PNPLA6: variants seen among roughly 807,000 people sequenced by gnomAD.
The protein encoded by PNPLA6 is patatin-like phospholipase domain-containing protein 6.
Under a neutral mutation model 153.7 loss-of-function variants are expected in PNPLA6, and 105 were observed. The ratio of observed to expected loss-of-function variants is 0.68; its 90% confidence interval spans 0.58 to 0.80. PNPLA6 has a LOEUF of 0.80. Ranked by LOEUF, PNPLA6 falls within the 30% of genes least tolerant of loss-of-function variation. PNPLA6 has a pLI of 0.00. For missense variants in PNPLA6, 1,423 were observed against 1,919.3 expected, an observed-to-expected ratio of 0.74 and a Z score of 4.83; for synonymous variants, 825 against 822.2, an observed-to-expected ratio of 1.00 and a Z score of -0.06.
intron 20 of PNPLA6, 35 bp downstream of exon 20, chr19:7,554,307 G>C: frequency 6.3e-7 from 1 of 1,583,752 alleles, no homozygotes; most frequent in East Asian, 2.2e-5. Context: ...GAGGGTGGTG[G>C]GTGGGCCTGG....
Position 7,550,638 on chromosome 19 carries a change from G to T in PNPLA6, c.2068G>T (p.Val690Leu). Residue 690 changes from valine (V) to leucine (L), a missense_variant and splice_region_variant, in exon 16 of 32, where the codon GTG becomes TTG. Physicochemically the swap from Val to Leu is conservative, Grantham distance 32. This residue lies in a region of PNPLA6 where 63 missense variants were observed against 166.2 expected (regional missense o/e 0.38). Coordinates refer to ENST00000600737, the MANE Select transcript of PNPLA6 (RefSeq NM_001166114.2). ...GEYGRGDLIG[V>L]VEALTRQPRA... Reference sequence around the variant, plus strand: ...GTACGGCCGCGGCGACCTCATCGGCGTGGTGAGCGCGACCCCCACCCACTG... The same window carrying T: ...GTACGGCCGCGGCGACCTCATCGGCTTGGTGAGCGCGACCCCCACCCACTG... The T allele has an allele frequency of 6.2e-7, 1 of 1,610,644 alleles. No homozygotes were observed. The highest frequency in any genetic ancestry group is 8.5e-7 in the Non-Finnish European group (1 of 1,179,678).
chr19:7,560,983 C>A, intron 29 of PNPLA6, 31 bp from the exon 30 acceptor site: 2 of 1,486,118 alleles, frequency 1.3e-6, no homozygotes, highest in Non-Finnish European at 1.9e-6. Context: ...TGTGGGCCCC[C>A]CCTAAGAGCC....
upstream of PNPLA6, chr19:7,535,384 G>A: frequency 1.3e-6 from 1 of 756,896 alleles, no homozygotes; most frequent in Non-Finnish European, 2.3e-6. The surrounding 1 kb of genome is among the most constrained non-coding windows in gnomAD (Gnocchi z 5.0). Flanking sequence ...GCCCCTGGCA[G>A]CTGGAGACGC....
upstream of PNPLA6, chr19:7,535,538 C>G: frequency 5.0e-6 from 8 of 1,600,380 alleles, no homozygotes; most frequent in South Asian, 1.1e-5. The surrounding 1 kb of genome is among the most constrained non-coding windows in gnomAD (Gnocchi z 5.0). Context: ...GGCCGTCCAG[C>G]TGGAATCAAC....
Position 7,540,796 on chromosome 19 carries a change from A to G in PNPLA6, c.795+86A>G, listed in dbSNP as rs1244780766. 1.8e-5 allele frequency: 28 copies of G among 1,549,070 alleles called. No homozygotes were observed. Among genetic ancestry groups the G allele is most frequent in the Non-Finnish European group, 2.4e-5 (27 of 1,121,100 alleles). On this transcript the variant is annotated intron_variant, in intron 6 of 31. Coordinates refer to ENST00000600737, the MANE Select transcript of PNPLA6 (RefSeq NM_001166114.2). The surrounding 1 kb of genome is among the most constrained non-coding windows in gnomAD (Gnocchi z 6.8). ...GTTGAAGGAAATCACAGGGTCCCCA[A>G]TCTCTGGTTCATCCGTTATGCTGCC...
intron 13 of PNPLA6, among the ~76,000 whole-genome samples, chr19:7,547,211 T>G (rs2146077086): frequency 6.6e-6 from 1 of 152,258 alleles, no homozygotes; most frequent in South Asian, 2.1e-4. Flanking sequence ...AGCCTCTATT[T>G]TTAATTTTTT....
Position 7,541,037 on chromosome 19 carries a change from G to T in PNPLA6, c.910G>T (p.Val304Leu). The change falls in exon 7 of 32, where the codon GTG becomes TTG. Residue 304 changes from valine to leucine, a missense_variant. Around this residue, in one of 10 missense-constraint regions of PNPLA6, gnomAD observed 118 missense variants for 158.8 expected, o/e 0.74. Transcript: ENST00000600737. This position sits in a 1 kb window ranked among gnomAD's most constrained non-coding sequence, Gnocchi z 5.2. Reference sequence around the variant, plus strand: ...CTTCACCAAGTACCCGGAGAGCTTGGTGCGGGTCGTGCAGGTCAGTGGGCC... The same window carrying T: ...CTTCACCAAGTACCCGGAGAGCTTGTTGCGGGTCGTGCAGGTCAGTGGGCC... ...AVFTKYPESL[V>L]RVVQIIMVRL... The T allele has an allele frequency of 6.2e-7, 1 of 1,609,388 alleles. No individual in the cohort carries two copies. The highest frequency in any genetic ancestry group is 8.5e-7 in the Non-Finnish European group (1 of 1,178,726).
rs751647726 is a variant in PNPLA6, at chr19:7,550,487, C to A, written c.1947-30C>A. 33 of 1,612,548 alleles carry A rather than the reference C, an allele frequency of 2.0e-5. No homozygotes were observed. The East Asian group carries it at 5.3e-4, about 26-fold the overall frequency. On this transcript the variant is annotated intron_variant, in intron 15 of 31. Transcript: ENST00000600737. ...CTAGGGGTGGGGACCTGGGGGTGGT[C>A]AGACCTTGCTGACCTCCACGCCCAC...
Position 7,541,900 on chromosome 19 carries a change from G to A in PNPLA6, c.1169-84G>A. 7.8e-7 allele frequency: 1 copy of A among 1,277,786 alleles called. No homozygotes were observed. Among genetic ancestry groups the A allele is most frequent in the Non-Finnish European group, 1.1e-6 (1 of 885,078 alleles). The allele number at this position is 1,277,786 out of a possible 1,614,324, so 79.2% of individuals were successfully genotyped here. A position where few individuals can be genotyped will look rare whatever the true frequency, so the allele number is the denominator to read the frequency against. ...TGGAATTGCTTTAACTAGTTAATCAGTCGCCAGCATCTCCTTATCTCCCAA... is the reference window on the plus strand; with the variant it reads ...TGGAATTGCTTTAACTAGTTAATCAATCGCCAGCATCTCCTTATCTCCCAA... On this transcript the variant is annotated intron_variant, in intron 9 of 31. Coordinates refer to ENST00000600737, the MANE Select transcript of PNPLA6 (RefSeq NM_001166114.2). This position sits in a 1 kb window ranked among gnomAD's most constrained non-coding sequence, Gnocchi z 5.2.
Position 7,555,244 on chromosome 19 carries a change from C to G in PNPLA6, c.2818-5C>G, listed in dbSNP as rs767157180. 5 of 1,593,398 alleles carry G rather than the reference C, an allele frequency of 3.1e-6. No homozygotes were observed. In the South Asian group the frequency reaches 5.7e-5, roughly 18 times the overall value. ...CCTGGGTCGCGACTATCTCCCCCAT[C>G]CCAGCATGAGCTCTACGAGAAGGTT... On this transcript the variant is annotated splice_polypyrimidine_tract_variant and splice_region_variant and intron_variant, in intron 22 of 31. Coordinates refer to ENST00000600737, the MANE Select transcript of PNPLA6 (RefSeq NM_001166114.2). The surrounding 1 kb of genome is among the most constrained non-coding windows in gnomAD (Gnocchi z 6.3).
chr19:7,539,555 C>T (rs893876922), intron 3 of PNPLA6, among the ~76,000 whole-genome samples: 2 of 144,954 alleles, frequency 1.4e-5, no homozygotes, highest in Admixed American at 7.0e-5. Flanking sequence ...GTCAGGAGTT[C>T]GAGACCAGCC....
intron 26 of PNPLA6, 173 bp downstream of exon 26, chr19:7,556,897 G>C (rs2023902089): frequency 1.4e-6 from 1 of 697,718 alleles, no homozygotes; most frequent in Admixed American, 2.0e-5. Flanking sequence ...CCCCAGGTAC[G>C]TCCGTCCTTG....
intron 14 of PNPLA6, 78 bp from the exon 15 acceptor site, chr19:7,550,220 C>A: frequency 6.2e-7 from 1 of 1,605,240 alleles, no homozygotes; most frequent in Non-Finnish European, 8.5e-7. Flanking sequence ...CAGAAGGGAG[C>A]CCCCAGATCT....
At chr19:7,547,811 ATTTTTTTTTTTTTTTTTTT>A (rs71286227) in intron 13 of PNPLA6, among the ~76,000 whole-genome samples, 3 of 114,560 alleles carry the variant, frequency 2.6e-5, no homozygotes, top group East Asian at 5.8e-4. Flanking sequence ...CTAATTAAAA[ATTTTTTTTTTTTTTTTTTT>A]TTTTTTTTTT....
At chr19:7,556,059 T>C (rs2023866613) in intron 24 of PNPLA6, among the ~76,000 whole-genome samples, 2 of 115,244 alleles carry the variant, frequency 1.7e-5, no homozygotes, top group Non-Finnish European at 3.3e-5. Context: ...GTTCCTTTTT[T>C]TTTTTTTTTT....
At chr19:7,547,315 GTC>G (rs1366147658) in intron 13 of PNPLA6, among the ~76,000 whole-genome samples, 2 of 152,172 alleles carry the variant, frequency 1.3e-5, no homozygotes, top group African/African-American at 4.8e-5. Flanking sequence ...GTGAATTCCA[GTC>G]TCTCTACATT....
At chr19:7,558,108 C>T (rs2023962564) in intron 27 of PNPLA6, among the ~76,000 whole-genome samples, 1 of 152,250 alleles carries the variant, frequency 6.6e-6, no homozygotes, top group African/African-American at 2.4e-5. Context: ...GGGATGTGCA[C>T]ACACGTAGAT....
At chr19:7,537,893 G>A (rs1033372751) in intron 3 of PNPLA6, among the ~76,000 whole-genome samples, 3 of 152,110 alleles carry the variant, frequency 2.0e-5, no homozygotes, top group Non-Finnish European at 4.4e-5. Flanking sequence ...GTCCGCCTCG[G>A]CCTCCTAAAG....
intron 28 of PNPLA6, among the ~76,000 whole-genome samples, chr19:7,559,970 T>A (rs1329247987): frequency 6.6e-6 from 1 of 151,766 alleles, no homozygotes; most frequent in African/African-American, 2.4e-5. Context: ...TGAAACCTCA[T>A]CTCTACTAAA....
Sources: gnomAD v4.1 joint callset for allele counts (sites outside exome capture counted in the v4.1 genomes callset) on GRCh38, gnomAD v4.1.1 for gene constraint, gnomAD v4.1.1 regional missense constraint, Gnocchi (gnomAD v3.1) non-coding constraint, MANE v1.5 for transcripts, NCBI Gene and HGNC (gene_info 2026-07-23, HGNC 2026-07-21) for gene names.